HPSE2: variants seen among roughly 807,000 people sequenced by gnomAD.
HPSE2 encodes inactive heparanase-2.
In HPSE2, 38 loss-of-function variants were observed where a neutral mutation model predicts 60.5. The observed-to-expected ratio is 0.63, with a 90% CI of 0.48 to 0.82. The LOEUF is 0.82. Among genes scored for constraint, HPSE2 ranks in the 40% least tolerant of loss-of-function variants. The pLI, the probability that HPSE2 is intolerant of heterozygous loss-of-function variation, is 0.00. For missense variants in HPSE2, 713 were observed against 740.4 expected (o/e 0.96, Z 0.43); for synonymous variants, 295 against 293.2 (o/e 1.01, Z -0.06).
At chr10:99,077,263 G>C (rs1005743183) in intron 3 of HPSE2, among the ~76,000 whole-genome samples, 1 of 152,058 alleles carries the variant, frequency 6.6e-6, no homozygotes, top group Admixed American at 6.6e-5. Context: ...TACCAGATTT[G>C]AAAAGTTTTC....
At chr10:98,714,406 A>C (rs961724542) in intron 5 of HPSE2, among the ~76,000 whole-genome samples, 1 of 151,806 alleles carries the variant, frequency 6.6e-6, no homozygotes. Flanking sequence ...CTACTAAACT[A>C]TGTTTTGTTT....
At chr10:98,671,844 G>GA (rs1947515248) in intron 6 of HPSE2, among the ~76,000 whole-genome samples, 1 of 152,130 alleles carries the variant, frequency 6.6e-6, no homozygotes, top group South Asian at 2.1e-4. Flanking sequence ...ACCCCAGGGA[G>GA]AAAAAATTGC....
At chr10:99,163,410 A>G (rs1255150859) in intron 2 of HPSE2, among the ~76,000 whole-genome samples, 1 of 152,162 alleles carries the variant, frequency 6.6e-6, no homozygotes, top group South Asian at 2.1e-4. Context: ...CTCTGCGATG[A>G]CATTCTCCTT....
chr10:98,507,756 C>G (rs1942251105), intron 9 of HPSE2, among the ~76,000 whole-genome samples: 1 of 152,130 alleles, frequency 6.6e-6, no homozygotes, highest in African/African-American at 2.4e-5. Context: ...CCCTTTGTTC[C>G]TCCTTCTTCT....
chr10:99,074,060 C>T (rs1050689708), intron 3 of HPSE2, among the ~76,000 whole-genome samples: 15 of 149,778 alleles, frequency 1.0e-4, no homozygotes, highest in African/African-American at 3.4e-4. Flanking sequence ...CTTTTTCTTG[C>T]CTATTTGCTC....
intron 6 of HPSE2, among the ~76,000 whole-genome samples, chr10:98,666,920 T>A (rs1947378300): frequency 6.6e-6 from 1 of 151,658 alleles, no homozygotes; most frequent in Non-Finnish European, 1.5e-5. Flanking sequence ...AATAATTAAG[T>A]CAGAGAAGAA....
At chr10:98,727,476 C>T (rs188190273) in intron 4 of HPSE2, among the ~76,000 whole-genome samples, 1 of 152,166 alleles carries the variant, frequency 6.6e-6, no homozygotes, top group Admixed American at 6.5e-5. Context: ...CACAGTGAAA[C>T]CCTGTCTCTA....
intron 11 of HPSE2, among the ~76,000 whole-genome samples, chr10:98,462,186 T>A (rs1003135967): frequency 2.0e-5 from 3 of 152,244 alleles, no homozygotes; most frequent in Non-Finnish European, 4.4e-5. Flanking sequence ...TTTTTATTTA[T>A]TTATTTTTTT....
At chr10:99,011,202 G>T (rs553664596) in intron 3 of HPSE2, among the ~76,000 whole-genome samples, 15 of 151,786 alleles carry the variant, frequency 9.9e-5, no homozygotes, top group Admixed American at 9.2e-4. Flanking sequence ...AATATTAAAT[G>T]TTATGCTTGC....
At chr10:98,730,348 T>C (rs1251112031) in intron 4 of HPSE2, among the ~76,000 whole-genome samples, 2 of 152,122 alleles carry the variant, frequency 1.3e-5, no homozygotes, top group East Asian at 1.9e-4. Context: ...GGGAAATTTA[T>C]AGCCTTAGGT....
chr10:99,113,725 A>C (rs1844564077), intron 3 of HPSE2, among the ~76,000 whole-genome samples: 1 of 152,194 alleles, frequency 6.6e-6, no homozygotes, highest in Non-Finnish European at 1.5e-5. Flanking sequence ...AGTTTCAAAT[A>C]GTTTTTTAAT....
chr10:98,509,870 G>A (rs552249649), intron 9 of HPSE2, among the ~76,000 whole-genome samples: 3 of 151,974 alleles, frequency 2.0e-5, no homozygotes, highest in South Asian at 2.1e-4. Context: ...CAGCAACAAC[G>A]GCAGCATTTC....
Position 98,915,763 on chromosome 10 carries a change from T to A in HPSE2, c.611-171707A>T, listed in dbSNP as rs141036147. 2.2e-3 allele frequency among the ~76,000 whole-genome samples: 328 copies of A among 152,114 alleles called. 1 individual carries two copies. Among genetic ancestry groups the A allele is most frequent in the Non-Finnish European group, 3.5e-3 (238 of 67,994 alleles). ...AAAAATAAAGAGAGCAATTTTCAAG[T>A]GGGAAAAGAAAGAGCATGCGGAAAG... On this transcript the variant is annotated intron_variant, in intron 3 of 11. Transcript: ENST00000370552.
chr10:98,665,968 C>G (rs551693796), intron 6 of HPSE2, among the ~76,000 whole-genome samples: 2 of 152,128 alleles, frequency 1.3e-5, no homozygotes, highest in Non-Finnish European at 2.9e-5. Context: ...CTAAATGCCC[C>G]ACTTAAAAGG....
intron 3 of HPSE2, among the ~76,000 whole-genome samples, chr10:98,830,616 A>G (rs957001342): frequency 1.3e-5 from 2 of 152,204 alleles, no homozygotes; most frequent in Non-Finnish European, 2.9e-5. Context: ...CTGTGTAGAC[A>G]TAAGCAAGGC....
At chr10:99,244,341 C>G in the HPSE2 span, among the ~76,000 whole-genome samples, 1 of 150,634 alleles carries the variant, frequency 6.6e-6, no homozygotes, top group African/African-American at 2.4e-5. Context: ...CTTTTGTTCT[C>G]TAGGCTAATG....
chr10:98,596,604 C>T (rs1265386534), intron 9 of HPSE2, among the ~76,000 whole-genome samples: 1 of 151,876 alleles, frequency 6.6e-6, no homozygotes, highest in East Asian at 1.9e-4. Context: ...TGCAACTTTC[C>T]TGGGTAAAGT....
At chr10:98,771,440 G>T (rs1336506) in intron 3 of HPSE2, among the ~76,000 whole-genome samples, 8,249 of 152,140 alleles carry the variant, frequency 0.054, 719 homozygotes, top group African/African-American at 0.18. Context: ...GCCCTGTGTT[G>T]GAAAACCTGG....
At chr10:99,038,876 C>A (rs535869589) in intron 3 of HPSE2, among the ~76,000 whole-genome samples, 9 of 152,068 alleles carry the variant, frequency 5.9e-5, no homozygotes, top group Non-Finnish European at 1.3e-4. Flanking sequence ...CTCCCTCATT[C>A]AATCGCTTTT....
Sources: allele counts gnomAD v4.1 joint callset (sites outside exome capture counted in the v4.1 genomes callset), GRCh38; gene constraint gnomAD v4.1.1; transcripts MANE v1.5; gene names NCBI Gene and HGNC (gene_info 2026-07-23, HGNC 2026-07-21).